PCDHGA3: variants seen among roughly 807,000 people sequenced by gnomAD.
PCDHGA3 encodes the protein protocadherin gamma-A3.
A neutral mutation model predicts 58.5 loss-of-function variants in PCDHGA3; 40 were observed. That is an observed-to-expected ratio of 0.68 (90% confidence interval 0.53 to 0.89). The LOEUF is 0.89. Among genes scored for constraint, PCDHGA3 ranks in the 40% least tolerant of loss-of-function variants. The probability of loss-of-function intolerance (pLI) is 0.00; values close to 1 mark genes in which losing one functional copy is unlikely to be tolerated. For synonymous variants in PCDHGA3, 530 were observed against 525.7 expected (o/e 1.01, Z -0.11); for missense variants, 1,223 against 1,195.9 (o/e 1.02, Z -0.33).
At chr5:141,384,266 C>A in intron 1 of PCDHGA3, 1 of 1,613,876 alleles carries the variant, frequency 6.2e-7, no homozygotes, top group Non-Finnish European at 8.5e-7. Context: ...CCCCACTCAT[C>A]CTACTCAGTC....
chr5:141,360,423 C>T, intron 1 of PCDHGA3: 1 of 1,613,908 alleles, frequency 6.2e-7, no homozygotes, highest in Non-Finnish European at 8.5e-7. Flanking sequence ...AACAGATATG[C>T]GGGAAGCAGC....
intron 1 of PCDHGA3, chr5:141,365,824 G>A: frequency 1.2e-6 from 2 of 1,613,926 alleles, no homozygotes; most frequent in Non-Finnish European, 1.7e-6. Context: ...CATTTCAGGG[G>A]GCGCCCTTGT....
At chr5:141,433,195 T>C (rs765385329) in intron 1 of PCDHGA3, 8 of 1,582,476 alleles carry the variant, frequency 5.1e-6, no homozygotes, top group Non-Finnish European at 6.9e-6. Flanking sequence ...TGAGTTTATA[T>C]CAAATCTTCT....
In PCDHGA3 at chr5:141,403,922, G is replaced by A. The variant is rs770450211; in HGVS notation, c.2424+57465G>A. ...TGAAATGGAAATACAAGCTGAAGAT[G>A]GTGGGGGATTGAAAGGGTGGACAAA... On this transcript the variant is annotated intron_variant, in intron 1 of 3. Transcript: ENST00000253812. 6.2e-6 allele frequency: 10 copies of A among 1,613,904 alleles called. No individual in the cohort carries two copies. The East Asian group carries it at 2.2e-4, about 36-fold the overall frequency.
intron 1 of PCDHGA3, among the ~76,000 whole-genome samples, chr5:141,484,021 G>A (rs892390865): frequency 2.6e-5 from 4 of 151,080 alleles, no homozygotes; most frequent in African/African-American, 9.7e-5. Context: ...GGGGTGGGGT[G>A]AGATCAAGTC....
intron 1 of PCDHGA3, among the ~76,000 whole-genome samples, chr5:141,439,221 T>G (rs145700274): frequency 1.2e-3 from 182 of 151,852 alleles, no homozygotes; most frequent in African/African-American, 4.3e-3. Flanking sequence ...ATGTGAAAAT[T>G]CTTAGAAGCT....
chr5:141,366,392 G>A (rs1474350947), intron 1 of PCDHGA3: 24 of 1,614,020 alleles, frequency 1.5e-5, no homozygotes, highest in Non-Finnish European at 1.9e-5. Flanking sequence ...TGAGGATCTG[G>A]ACCTCACACT....
intron 1 of PCDHGA3, chr5:141,399,154 G>T (rs780620346): frequency 1.2e-6 from 2 of 1,613,850 alleles, no homozygotes; most frequent in South Asian, 1.1e-5. Context: ...TAGCCCAGAA[G>T]TTACATTCCA....
At chr5:141,410,767 G>T in intron 1 of PCDHGA3, 6 of 942,270 alleles carry the variant, frequency 6.4e-6, no homozygotes, top group South Asian at 2.2e-5. Context: ...TTCAATTATA[G>T]TTTTCACTAT....
At chr5:141,384,407 C>G (rs1198473919) in intron 1 of PCDHGA3, 1 of 1,613,956 alleles carries the variant, frequency 6.2e-7, no homozygotes, top group South Asian at 1.1e-5. Context: ...CCAGTGTCCT[C>G]CTATGTCTCC....
At chr5:141,415,114 G>C (rs186848544) in intron 1 of PCDHGA3, 1 of 1,613,648 alleles carries the variant, frequency 6.2e-7, no homozygotes, top group Non-Finnish European at 8.5e-7. Flanking sequence ...GCAAAGCCTC[G>C]TAGTGGCCGT....
intron 1 of PCDHGA3, among the ~76,000 whole-genome samples, chr5:141,468,921 G>A (rs1254189500): frequency 6.6e-6 from 1 of 151,342 alleles, no homozygotes; most frequent in African/African-American, 2.4e-5. Context: ...GAAGAGAATA[G>A]CACTAAAATG....
chr5:141,477,453 A>G lies in PCDHGA3; in HGVS notation c.2425-17354A>G, dbSNP rs886363658. 1 of 1,614,018 alleles carries G rather than the reference A, an allele frequency of 6.2e-7. No homozygotes were observed. Among genetic ancestry groups the G allele is most frequent in the African/African-American group, 1.3e-5 (1 of 74,910 alleles). The stretch of plus-strand genomic sequence containing the variant: ...TCAGCCCTTACAATAGTGCGTGTTC[A>G]AGTGTCCGACATCAATGACAACCCT... On this transcript the variant is annotated intron_variant, in intron 1 of 3. Coordinates refer to ENST00000253812, the MANE Select transcript of PCDHGA3 (RefSeq NM_018916.4). This position sits in a 1 kb window ranked among gnomAD's most constrained non-coding sequence, Gnocchi z 4.9.
intron 1 of PCDHGA3, chr5:141,399,869 G>A: frequency 1.2e-6 from 2 of 1,612,822 alleles, no homozygotes; most frequent in Non-Finnish European, 8.5e-7. Context: ...GCAGAGCCCG[G>A]CTACCTGGTG....
intron 1 of PCDHGA3, chr5:141,405,481 G>A: frequency 2.0e-6 from 2 of 992,130 alleles, no homozygotes; most frequent in Middle Eastern, 2.6e-4. Context: ...ATGCAGTGGT[G>A]TGATCTCGGC....
At chr5:141,451,124 A>T (rs2098707796) in intron 1 of PCDHGA3, among the ~76,000 whole-genome samples, 1 of 152,102 alleles carries the variant, frequency 6.6e-6, no homozygotes, top group Non-Finnish European at 1.5e-5. Context: ...CACCACACCC[A>T]GCCTTATGAT....
In PCDHGA3 at chr5:141,483,740, A is replaced by T. The variant is rs2099586227; in HGVS notation, c.2425-11067A>T. Among the ~76,000 whole-genome samples, 4 of 152,148 alleles carry T rather than the reference A, an allele frequency of 2.6e-5. No homozygotes were observed. The South Asian group carries it at 8.3e-4, about 32-fold the overall frequency. ...TGGTTCCCACCATAGTCAAAAGGATATTCCTGAGGATCGAGGCTTGGAAAA... is the reference window on the plus strand; with the variant it reads ...TGGTTCCCACCATAGTCAAAAGGATTTTCCTGAGGATCGAGGCTTGGAAAA... On this transcript the variant is annotated intron_variant, in intron 1 of 3. Transcript: ENST00000253812.
chr5:141,376,009 A>G lies in PCDHGA3; in HGVS notation c.2424+29552A>G, dbSNP rs111388524. 32 of 1,613,224 alleles carry G rather than the reference A, an allele frequency of 2.0e-5. No homozygotes were observed. In the South Asian group the frequency reaches 3.5e-4, roughly 18 times the overall value. On this transcript the variant is annotated intron_variant, in intron 1 of 3. Transcript: ENST00000253812. ...ACAGAGACGCGCTCAAGCAGAGCCT[A>G]GTGGTGGCCGTCCAGGACCACGGCC...
chr5:141,497,540 CTT>C (rs754207034), intron 2 of PCDHGA3, among the ~76,000 whole-genome samples: 114 of 134,852 alleles, frequency 8.5e-4, no homozygotes, highest in Middle Eastern at 3.7e-3. Context: ...TGCAACAAAC[CTT>C]TTTTTTTTTT....
Sources: gnomAD v4.1 joint callset for allele counts (sites outside exome capture counted in the v4.1 genomes callset) on GRCh38, gnomAD v4.1.1 for gene constraint, Gnocchi (gnomAD v3.1) non-coding constraint, MANE v1.5 for transcripts, NCBI Gene and HGNC (gene_info 2026-07-23, HGNC 2026-07-21) for gene names.